VIT: variants seen among roughly 807,000 people sequenced by gnomAD.
VIT encodes the protein vitrin.
A neutral mutation model predicts 78.0 loss-of-function variants in VIT; 99 were observed. The observed-to-expected ratio is 1.27, with a 90% confidence interval of 1.08 to 1.50. The LOEUF (loss-of-function observed/expected upper bound fraction) is 1.50. Among genes scored for constraint, VIT ranks in the 40% most tolerant of loss-of-function variants. The pLI, the probability that VIT is intolerant of heterozygous loss-of-function variation, is 0.00. For missense variants in VIT, 1,126 were observed against 875.3 expected (o/e 1.29, Z -3.61); for synonymous variants, 374 against 334.3 (o/e 1.12, Z -1.29).
At chr2:36,740,501 T>C (rs1365684161) in intron 3 of VIT, among the ~76,000 whole-genome samples, 1 of 152,238 alleles carries the variant, frequency 6.6e-6, no homozygotes, top group Non-Finnish European at 1.5e-5. Context: ...CTCTCCAGCT[T>C]AATTTTCTGT....
rs1480856216 is a variant in VIT, at chr2:36,804,829, A to AG, written c.1163-606dup. ...TGGCAACAGAGTGAGAATCTGTCTC[A>AG]GGGAAAAAAAAAAAAAGTCTTTCTC... is the stretch of plus-strand genomic sequence containing the variant. On this transcript the variant is annotated intron_variant, in intron 13 of 15. Coordinates refer to ENST00000379242, the MANE Select transcript of VIT (RefSeq NM_053276.4). Among the ~76,000 whole-genome samples, 50 of 150,464 alleles carry AG rather than the reference A, an allele frequency of 3.3e-4. 1 individual carries two copies. Among genetic ancestry groups the AG allele is most frequent in the African/African-American group, 1.2e-3 (47 of 40,086 alleles).
intron 2 of VIT, among the ~76,000 whole-genome samples, chr2:36,718,673 G>A (rs901711064): frequency 6.6e-6 from 1 of 152,164 alleles, no homozygotes. Context: ...GCTCCTGTCA[G>A]ATGGCCATGA....
At chr2:36,733,534 A>G (rs1459905395) in intron 3 of VIT, among the ~76,000 whole-genome samples, 1 of 151,830 alleles carries the variant, frequency 6.6e-6, no homozygotes, top group Non-Finnish European at 1.5e-5. Flanking sequence ...CATTAACAAC[A>G]ACTCCTTTGT....
intron 4 of VIT, 59 bp downstream of exon 4, chr2:36,743,315 C>T: frequency 8.3e-6 from 12 of 1,454,146 alleles, no homozygotes; most frequent in Non-Finnish European, 1.1e-5. Flanking sequence ...GCAGGGAGCC[C>T]CCATGCAAGG....
At chr2:36,800,844 A>G (rs1666270992) in intron 12 of VIT, among the ~76,000 whole-genome samples, 1 of 152,174 alleles carries the variant, frequency 6.6e-6, no homozygotes, top group Admixed American at 6.5e-5. Context: ...TGGTACCACT[A>G]TTCACGTGCA....
intron 3 of VIT, among the ~76,000 whole-genome samples, chr2:36,733,279 A>C (rs545767409): frequency 6.6e-6 from 1 of 152,234 alleles, no homozygotes; most frequent in South Asian, 2.1e-4. Context: ...GGCCTCAGGA[A>C]CCGGCACCCC....
At chr2:36,700,949 A>G (rs758011133) in intron 1 of VIT, among the ~76,000 whole-genome samples, 1 of 152,084 alleles carries the variant, frequency 6.6e-6, no homozygotes, top group Non-Finnish European at 1.5e-5. Context: ...CTAGTAAGGG[A>G]TGGAGCTCAG....
intron 3 of VIT, 151 bp from the exon 4 acceptor site, chr2:36,742,949 T>C: frequency 1.0e-6 from 1 of 952,724 alleles, no homozygotes; most frequent in Non-Finnish European, 1.5e-6. Flanking sequence ...ATGTCTTAAT[T>C]ACATCTTTGC....
In VIT at chr2:36,767,234, A is replaced by G. The variant is rs200842628; in HGVS notation, c.628A>G (p.Thr210Ala). Residue 210 changes from threonine to alanine, a missense_variant, in exon 7 of 16, where the codon ACC (threonine) becomes GCC (alanine). Coordinates refer to ENST00000379242, the MANE Select transcript of VIT (RefSeq NM_053276.4). ...LPRPSPSAAS[T>A]TSIPRPQSVG... Reference sequence around the variant, plus strand: ...AAGGCCATCCCCTTCTGCTGCTTCTACCACCAGCATCCCCAGACCACAATC... The same window carrying G: ...AAGGCCATCCCCTTCTGCTGCTTCTGCCACCAGCATCCCCAGACCACAATC... 72 of 1,601,336 alleles carry G rather than the reference A, an allele frequency of 4.5e-5. No homozygotes were observed. Among genetic ancestry groups the G allele is most frequent in the Non-Finnish European group, 6.1e-5 (72 of 1,174,464 alleles).
chr2:36,753,123 G>A (rs112444593), intron 4 of VIT, among the ~76,000 whole-genome samples: 1,557 of 151,714 alleles, frequency 0.01, 39 homozygotes, highest in African/African-American at 0.036. Flanking sequence ...ATCAAATACC[G>A]CATGTTCTCA....
At chr2:36,756,514 C>T (rs1668776301) in intron 5 of VIT, among the ~76,000 whole-genome samples, 1 of 152,178 alleles carries the variant, frequency 6.6e-6, no homozygotes, top group African/African-American at 2.4e-5. Context: ...CACCCCATGC[C>T]TCAAGCCCCT....
At chr2:36,790,091 T>C (rs1035295810) in intron 12 of VIT, among the ~76,000 whole-genome samples, 2 of 152,078 alleles carry the variant, frequency 1.3e-5, no homozygotes, top group African/African-American at 2.4e-5. Flanking sequence ...AAATATTAAC[T>C]GGGAAAAAGG....
At chr2:36,765,627 A>T (rs915780498) in intron 6 of VIT, among the ~76,000 whole-genome samples, 1 of 152,214 alleles carries the variant, frequency 6.6e-6, no homozygotes, top group South Asian at 2.1e-4. Flanking sequence ...GACCCAAACC[A>T]TATCAGAGGT....
intron 6 of VIT, among the ~76,000 whole-genome samples, chr2:36,761,973 T>C (rs1669150584): frequency 1.3e-5 from 2 of 152,152 alleles, no homozygotes; most frequent in Admixed American, 1.3e-4. Context: ...AAGGCCATAG[T>C]TCTAAGCAGC....
chr2:36,732,671 C>A (rs1253914221), intron 3 of VIT, among the ~76,000 whole-genome samples: 1 of 152,126 alleles, frequency 6.6e-6, no homozygotes, highest in Non-Finnish European at 1.5e-5. Flanking sequence ...CACCCAGAAA[C>A]AACAGCAACC....
intron 9 of VIT, among the ~76,000 whole-genome samples, chr2:36,780,477 C>G (rs759291923): frequency 6.6e-5 from 10 of 152,168 alleles, no homozygotes; most frequent in Admixed American, 1.3e-4. Context: ...AATGTTTAAG[C>G]AAGTCATAAA....
chr2:36,730,070 C>G (rs1456644253), intron 3 of VIT, among the ~76,000 whole-genome samples: 2 of 151,880 alleles, frequency 1.3e-5, no homozygotes, highest in Non-Finnish European at 2.9e-5. Flanking sequence ...CTGAGGCGGG[C>G]GGATCACTTG....
intron 10 of VIT, among the ~76,000 whole-genome samples, chr2:36,782,906 T>C (rs1417290090): frequency 6.6e-6 from 1 of 152,226 alleles, no homozygotes; most frequent in East Asian, 1.9e-4. Context: ...CTTACTCATC[T>C]TCGTTCATTG....
At chr2:36,716,785 AT>A (rs1309892242) in intron 2 of VIT, among the ~76,000 whole-genome samples, 1 of 151,830 alleles carries the variant, frequency 6.6e-6, no homozygotes, top group Non-Finnish European at 1.5e-5. Context: ...TTATTTCTTA[AT>A]TTCGCAAACA....
Sources: allele counts gnomAD v4.1 joint callset (sites outside exome capture counted in the v4.1 genomes callset), GRCh38; gene constraint gnomAD v4.1.1; transcripts MANE v1.5; gene names NCBI Gene and HGNC (gene_info 2026-07-23, HGNC 2026-07-21).